The following MAP4 variants were observed in gnomAD, a reference collection of about 807,000 sequenced individuals.
MAP4 encodes microtubule associated protein 4, also known as microtubule-associated protein 4.
MAP4 carries 76 observed loss-of-function variants against 170.2 expected under a neutral mutation model. That is an observed-to-expected ratio of 0.45 (90% CI 0.37 to 0.54). MAP4 has a LOEUF of 0.54. Ranked by LOEUF, MAP4 falls within the 20% of genes least tolerant of loss-of-function variation. The pLI, the probability that MAP4 is intolerant of heterozygous loss-of-function variation, is 0.00. For missense variants in MAP4, 2,506 were observed against 2,748.0 expected, an observed-to-expected ratio of 0.91 and a Z score of 1.97; for synonymous variants, 909 against 994.5, an observed-to-expected ratio of 0.91 and a Z score of 1.62.
At chr3:47,938,299 T>G (rs190834171) in intron 3 of MAP4, among the ~76,000 whole-genome samples, 1 of 151,514 alleles carries the variant, frequency 6.6e-6, no homozygotes, top group Admixed American at 6.6e-5. Context: ...ACCTGGGAGG[T>G]GGAGGTTGCA....
At chr3:47,972,554 T>A (rs1050846817) in intron 3 of MAP4, among the ~76,000 whole-genome samples, 1 of 152,202 alleles carries the variant, frequency 6.6e-6, no homozygotes, top group Non-Finnish European at 1.5e-5. Flanking sequence ...TCTTAACTTT[T>A]ATAATTCTGG....
At chr3:47,986,485 C>T (rs2100088772) in intron 2 of MAP4, among the ~76,000 whole-genome samples, 1 of 151,954 alleles carries the variant, frequency 6.6e-6, no homozygotes, top group South Asian at 2.1e-4. Flanking sequence ...GGATTACAGG[C>T]GCATGCCACC....
chr3:47,965,199 GTTTATTCAT>G (rs2100074130), intron 3 of MAP4, among the ~76,000 whole-genome samples: 1 of 152,080 alleles, frequency 6.6e-6, no homozygotes, highest in Non-Finnish European at 1.5e-5. Flanking sequence ...TGTCTTCAAG[GTTTATTCAT>G]GTTGTACCAT....
chr3:48,013,652 C>A (rs1249283999), intron 1 of MAP4: 1 of 148,430 alleles, frequency 6.7e-6, no homozygotes, highest in African/African-American at 2.5e-5. Flanking sequence ...GAACAACTAT[C>A]ATTTCATATT....
At chr3:47,887,320 G>A (rs2097766776) in intron 10 of MAP4, among the ~76,000 whole-genome samples, 1 of 152,244 alleles carries the variant, frequency 6.6e-6, no homozygotes, top group South Asian at 2.1e-4. Context: ...AGCCCTGCTG[G>A]CCCCGGGCAA....
At chr3:47,863,816 T>C (rs1191197709) in intron 17 of MAP4, among the ~76,000 whole-genome samples, 1 of 151,786 alleles carries the variant, frequency 6.6e-6, no homozygotes, top group Admixed American at 6.6e-5. Flanking sequence ...GGGGTATGTC[T>C]GTCTGTCTGT....
At chr3:48,050,174 C>T (rs1239991188) in intron 1 of MAP4, among the ~76,000 whole-genome samples, 2 of 150,822 alleles carry the variant, frequency 1.3e-5, no homozygotes, top group South Asian at 2.1e-4. Flanking sequence ...GCAGGAGAAT[C>T]GCTTGAACCC....
At chr3:48,065,029 C>A (rs1170027987) in intron 1 of MAP4, among the ~76,000 whole-genome samples, 1 of 152,134 alleles carries the variant, frequency 6.6e-6, no homozygotes, top group Non-Finnish European at 1.5e-5. Context: ...ACTGTGGAGG[C>A]TGAGGCAGGA....
intron 10 of MAP4, among the ~76,000 whole-genome samples, chr3:47,889,168 G>A (rs944774892): frequency 6.6e-6 from 1 of 152,236 alleles, no homozygotes; most frequent in Non-Finnish European, 1.5e-5. Flanking sequence ...CATGTGCAGG[G>A]AGAAGCAGAG....
chr3:47,918,860 C>T lies in MAP4; in HGVS notation c.530-19G>A. 1 of 1,599,828 alleles carries T rather than the reference C, an allele frequency of 6.3e-7. No homozygotes were observed. Among genetic ancestry groups the T allele is most frequent in the Non-Finnish European group, 8.5e-7 (1 of 1,170,506 alleles). On this transcript the variant is annotated intron_variant, in intron 5 of 20. Coordinates refer to ENST00000683076, the MANE Select transcript of MAP4 (RefSeq NM_001385682.1). The stretch of plus-strand genomic sequence containing the variant: ...GACATACCTAATATTGAAACACAAA[C>T]AAATACATTTTGAAACTTAGTAAAC...
Position 47,911,279 on chromosome 3 carries a change from C to T in MAP4, c.3142G>A (p.Glu1048Lys). The change falls in exon 9 of 21, where the codon GAG becomes AAG. Residue 1048 changes from glutamate to lysine, a missense_variant. Glu to Lys is a moderately conservative substitution (Grantham distance 56). This residue lies in a region of MAP4 where 2,008 missense variants were observed against 2,206.0 expected (regional missense o/e 0.91). Transcript: ENST00000683076. The surrounding 1 kb of genome is among the most constrained non-coding windows in gnomAD (Gnocchi z 4.0). ...GCCATTCTCTTAAATGGTTCATTCTCTACCCCAGGGACCTGTACCAACACT... is the reference window on the plus strand; with the variant it reads ...GCCATTCTCTTAAATGGTTCATTCTTTACCCCAGGGACCTGTACCAACACT... ...GQVLVQVPGVENEPFKRMAGD... is the reference protein window; with the variant it reads ...GQVLVQVPGVKNEPFKRMAGD... The T allele has an allele frequency of 5.2e-6, 8 of 1,536,138 alleles. No individual in the cohort carries two copies. Among genetic ancestry groups the T allele is most frequent in the African/African-American group, 4.1e-5 (3 of 73,162 alleles).
At chr3:47,921,099 G>A (rs1444054843) in intron 5 of MAP4, among the ~76,000 whole-genome samples, 1 of 152,088 alleles carries the variant, frequency 6.6e-6, no homozygotes, top group East Asian at 1.9e-4. Flanking sequence ...AGTGGGCCGT[G>A]ATCGCATCAC....
At chr3:48,008,254 G>C (rs1365556998) in intron 1 of MAP4, among the ~76,000 whole-genome samples, 1 of 152,200 alleles carries the variant, frequency 6.6e-6, no homozygotes, top group African/African-American at 2.4e-5. Context: ...CTCCCAGCCT[G>C]CACTGATGGC....
intron 3 of MAP4, among the ~76,000 whole-genome samples, chr3:47,954,661 A>C (rs1017927504): frequency 3.3e-5 from 5 of 152,230 alleles, no homozygotes; most frequent in Non-Finnish European, 5.9e-5. Context: ...CGGATTAGAG[A>C]AAAGGAAATA....
intron 1 of MAP4, among the ~76,000 whole-genome samples, chr3:48,003,531 A>G (rs2100100527): frequency 6.6e-6 from 1 of 152,104 alleles, no homozygotes; most frequent in Admixed American, 6.5e-5. Context: ...GGACATCAAC[A>G]AACTGTAGAA....
At chr3:47,938,766 TA>T (rs2153978814) in intron 3 of MAP4, among the ~76,000 whole-genome samples, 1 of 152,338 alleles carries the variant, frequency 6.6e-6, no homozygotes, top group African/African-American at 2.4e-5. Context: ...TTAGTCACAG[TA>T]ATGACCTCTA....
At chr3:47,973,804 T>C in intron 3 of MAP4, 1 of 985,340 alleles carries the variant, frequency 1.0e-6, no homozygotes. Flanking sequence ...AACCCCAAAA[T>C]CAACTTAATA....
intron 19 of MAP4, among the ~76,000 whole-genome samples, chr3:47,853,747 C>T (rs944382562): frequency 7.0e-6 from 1 of 143,312 alleles, no homozygotes; most frequent in Admixed American, 6.9e-5. Flanking sequence ...CCTCCCTGAA[C>T]CCAGGCCACC....
At chr3:47,865,592 T>C (rs1405618806) in intron 17 of MAP4, among the ~76,000 whole-genome samples, 2 of 152,124 alleles carry the variant, frequency 1.3e-5, no homozygotes, top group Non-Finnish European at 2.9e-5. Flanking sequence ...CTGTAGGCCA[T>C]GGGCAGGATG....
Sources: gnomAD v4.1 joint callset for allele counts (sites outside exome capture counted in the v4.1 genomes callset) on GRCh38, gnomAD v4.1.1 for gene constraint, gnomAD v4.1.1 regional missense constraint, Gnocchi (gnomAD v3.1) non-coding constraint, MANE v1.5 for transcripts, NCBI Gene and HGNC (gene_info 2026-07-23, HGNC 2026-07-21) for gene names.